The following MAP3K20 variants were observed in gnomAD, a reference collection of about 807,000 sequenced individuals.
The protein encoded by MAP3K20 is HCCS-4.
In MAP3K20, 40 loss-of-function variants were observed where a neutral mutation model predicts 85.7. The observed-to-expected ratio is 0.47, with a 90% CI of 0.36 to 0.61. The LOEUF (loss-of-function observed/expected upper bound fraction) is 0.61. Among genes scored for constraint, MAP3K20 ranks in the 20% least tolerant of loss-of-function variants. The pLI is 0.00. For missense variants in MAP3K20, 817 were observed against 961.7 expected (o/e 0.85, Z 1.99); for synonymous variants, 325 against 327.7 (o/e 0.99, Z 0.09).
chr2:173,252,832 A>G (rs190482813), intron 16 of MAP3K20, among the ~76,000 whole-genome samples: 21 of 152,296 alleles, frequency 1.4e-4, no homozygotes, highest in African/African-American at 2.4e-4. Context: ...CTGGCTGCCA[A>G]TCATACACAA....
intron 2 of MAP3K20, among the ~76,000 whole-genome samples, chr2:173,103,347 C>T (rs188097182): frequency 2.0e-5 from 3 of 152,176 alleles, no homozygotes; most frequent in Non-Finnish European, 2.9e-5. Flanking sequence ...ATCAGTGAGG[C>T]TCTGTGGGAA....
At chr2:173,130,425 G>T (rs1310959219) in intron 2 of MAP3K20, among the ~76,000 whole-genome samples, 1 of 152,040 alleles carries the variant, frequency 6.6e-6, no homozygotes, top group Non-Finnish European at 1.5e-5. Flanking sequence ...AAACAAAAAG[G>T]GTAATGAGAA....
intron 2 of MAP3K20, among the ~76,000 whole-genome samples, chr2:173,160,931 C>CAAA (rs1366375493): frequency 1.3e-5 from 2 of 152,182 alleles, no homozygotes; most frequent in African/African-American, 4.8e-5. Context: ...CCGTAGCTTT[C>CAAA]AGGTCGAATA....
Position 173,179,704 on chromosome 2 carries a change from GCACACACA to G in MAP3K20, c.248-3121_248-3114del, listed in dbSNP as rs71018541. 7.5e-4 allele frequency among the ~76,000 whole-genome samples: 110 copies of G among 146,172 alleles called. No individual in the cohort carries two copies. In the Middle Eastern group the frequency reaches 0.011, roughly 14 times the overall value. ...ATAGGTAGAAAATCCTAAGGAATGC[GCACACACA>G]CACACACACACACACACACACACAC... On this transcript the variant is annotated intron_variant, in intron 3 of 19. Coordinates refer to ENST00000375213, the MANE Select transcript of MAP3K20 (RefSeq NM_016653.3).
chr2:173,236,305 G>C (rs1475724226), intron 14 of MAP3K20, among the ~76,000 whole-genome samples: 2 of 150,560 alleles, frequency 1.3e-5, no homozygotes, highest in Non-Finnish European at 3.0e-5. Context: ...AGGGACAGGG[G>C]ACAGGGGTCT....
chr2:173,130,623 A>G (rs1417844932), intron 2 of MAP3K20, among the ~76,000 whole-genome samples: 2 of 152,220 alleles, frequency 1.3e-5, no homozygotes, highest in South Asian at 2.1e-4. Context: ...TAAATATGAT[A>G]TGAGAATGTG....
chr2:173,261,067 C>T lies in MAP3K20; in HGVS notation c.1481C>T (p.Pro494Leu), dbSNP rs1384823806. The T allele has an allele frequency of 2.5e-6, 4 of 1,613,162 alleles. No individual in the cohort carries two copies. Among genetic ancestry groups the T allele is most frequent in the African/African-American group, 2.7e-5 (2 of 74,876 alleles). Reference protein sequence around the residue: ...DAEILKMTKPPFVMEKWIVGI... With the variant: ...DAEILKMTKPLFVMEKWIVGI... The stretch of plus-strand genomic sequence containing the variant: ...ATCCTAACTTTTGTTTTTCAGCCAC[C>T]ATTTGTAATGGAGAAGTGGATTGTA... Residue 494 changes from proline (P) to leucine (L), a missense_variant, in exon 18 of 20, where the codon CCA becomes CTA. By Grantham distance (98) the Pro-to-Leu change is moderately conservative. Coordinates refer to ENST00000375213, the MANE Select transcript of MAP3K20 (RefSeq NM_016653.3).
intron 2 of MAP3K20, among the ~76,000 whole-genome samples, chr2:173,101,751 T>A (rs547256303): frequency 7.9e-5 from 12 of 152,332 alleles, no homozygotes; most frequent in African/African-American, 2.9e-4. Context: ...AAAATAGAAT[T>A]ATCTCACTTG....
chr2:173,118,644 G>T (rs185695874), intron 2 of MAP3K20, among the ~76,000 whole-genome samples: 1 of 152,296 alleles, frequency 6.6e-6, no homozygotes, highest in African/African-American at 2.4e-5. Context: ...ATGGATTAGA[G>T]AATGTATTTG....
chr2:173,091,986 T>TAA (rs1687314722), intron 2 of MAP3K20, among the ~76,000 whole-genome samples: 1 of 152,270 alleles, frequency 6.6e-6, no homozygotes, highest in African/African-American at 2.4e-5. Flanking sequence ...TACGCCCTGT[T>TAA]TTGGCAAATT....
chr2:173,095,612 G>T (rs752946732), intron 2 of MAP3K20, among the ~76,000 whole-genome samples: 3 of 152,128 alleles, frequency 2.0e-5, no homozygotes, highest in Non-Finnish European at 2.9e-5. Context: ...TTACTTCTTT[G>T]GGCCAGGAAT....
intron 12 of MAP3K20, among the ~76,000 whole-genome samples, chr2:173,230,566 C>G (rs1269257113): frequency 6.6e-6 from 1 of 152,200 alleles, no homozygotes; most frequent in African/African-American, 2.4e-5. Context: ...TGAGAGGCTG[C>G]ACTCAGACTG....
chr2:173,204,197 A>G (rs1485006429), intron 9 of MAP3K20, among the ~76,000 whole-genome samples: 1 of 152,242 alleles, frequency 6.6e-6, no homozygotes, highest in African/African-American at 2.4e-5. Flanking sequence ...AGAATATGCC[A>G]GGCACTGTTC....
At chr2:173,091,852 A>G (rs1471073832) in intron 2 of MAP3K20, among the ~76,000 whole-genome samples, 1 of 152,178 alleles carries the variant, frequency 6.6e-6, no homozygotes, top group Non-Finnish European at 1.5e-5. Flanking sequence ...GAGATATAAC[A>G]TGGTTGTCAC....
chr2:173,144,488 AAAG>A (rs1388052884), intron 2 of MAP3K20, among the ~76,000 whole-genome samples: 1 of 150,622 alleles, frequency 6.6e-6, no homozygotes, highest in East Asian at 1.9e-4. Flanking sequence ...AAAAAAAAGA[AAAG>A]AAAGAAAGAA....
rs879794436 is a variant in MAP3K20 at position 173,076,020 on chromosome 2, G to A, written c.-35+18G>A. On this transcript the variant is annotated intron_variant, in intron 1 of 19. Coordinates refer to ENST00000375213, the MANE Select transcript of MAP3K20 (RefSeq NM_016653.3). ...GGAGCCAGGTAGGGGTCAGGCTGGAGCCCGCGGAGGGCGGGGAGGGAGGGG... is the reference window on the plus strand; with the variant it reads ...GGAGCCAGGTAGGGGTCAGGCTGGAACCCGCGGAGGGCGGGGAGGGAGGGG... 3,977 of 984,348 alleles carry A rather than the reference G, an allele frequency of 4.0e-3. 15 individuals carry two copies. The highest frequency in any genetic ancestry group is 4.4e-3 in the Non-Finnish European group (3,679 of 829,334). The allele number at this position is 984,348 out of a possible 1,614,324, so 61.0% of individuals were successfully genotyped here.
chr2:173,099,024 A>G (rs1476001091), intron 2 of MAP3K20, among the ~76,000 whole-genome samples: 2 of 152,220 alleles, frequency 1.3e-5, no homozygotes, highest in Non-Finnish European at 2.9e-5. Context: ...AGCCAATCAT[A>G]TGCTAAATAC....
chr2:173,201,837 T>A (rs1691073727), intron 8 of MAP3K20, among the ~76,000 whole-genome samples: 1 of 152,198 alleles, frequency 6.6e-6, no homozygotes, highest in Admixed American at 6.5e-5. Flanking sequence ...GAGTCTAGAT[T>A]TAACTGATAT....
chr2:173,222,684 A>G (rs1684284100), intron 11 of MAP3K20: 1 of 985,362 alleles, frequency 1.0e-6, no homozygotes, highest in South Asian at 4.7e-5. Context: ...AATAGTAAAG[A>G]TAAGTTATCC....
Sources: gnomAD v4.1 joint callset for allele counts (sites outside exome capture counted in the v4.1 genomes callset) on GRCh38, gnomAD v4.1.1 for gene constraint, MANE v1.5 for transcripts, NCBI Gene and HGNC (gene_info 2026-07-23, HGNC 2026-07-21) for gene names.